The following SCFD1 variants were observed in gnomAD, a reference collection of about 807,000 sequenced individuals.
The protein encoded by SCFD1 is sec1 family domain containing 1.
Under a neutral mutation model 103.2 loss-of-function variants are expected in SCFD1, and 37 were observed. The observed-to-expected ratio is 0.36, with a 90% CI of 0.28 to 0.47. The LOEUF (loss-of-function observed/expected upper bound fraction) is 0.47. Among genes scored for constraint, SCFD1 ranks in the 20% least tolerant of loss-of-function variants. The pLI is 1.00. For synonymous variants in SCFD1, 264 were observed against 245.0 expected, an observed-to-expected ratio of 1.08 and a Z score of -0.73; for missense variants, 639 against 761.2, an observed-to-expected ratio of 0.84 and a Z score of 1.89.
intron 14 of SCFD1, among the ~76,000 whole-genome samples, chr14:30,690,878 GT>G (rs1356929761): frequency 1.3e-5 from 2 of 152,182 alleles, no homozygotes; most frequent in African/African-American, 4.8e-5. Flanking sequence ...AAGAATCTCA[GT>G]TTATTATCTT....
chr14:30,650,950 T>C (rs1217393227), intron 9 of SCFD1, among the ~76,000 whole-genome samples: 2 of 152,154 alleles, frequency 1.3e-5, no homozygotes, highest in Non-Finnish European at 2.9e-5. Flanking sequence ...TTGGTTATTT[T>C]TCACAGAGTG....
At chr14:30,636,266 G>T (rs1466446113) in intron 4 of SCFD1, among the ~76,000 whole-genome samples, 8 of 145,684 alleles carry the variant, frequency 5.5e-5, no homozygotes, top group African/African-American at 1.5e-4. Flanking sequence ...CAGTTTATCG[G>T]TTTTTTTTTT....
chr14:30,677,940 A>G (rs1889170517), intron 14 of SCFD1, among the ~76,000 whole-genome samples: 2 of 145,958 alleles, frequency 1.4e-5, no homozygotes, highest in South Asian at 4.3e-4. Context: ...CCTGGGTTCA[A>G]GCGATTCTTC....
At chr14:30,702,093 C>T (rs1245240569) in intron 16 of SCFD1, among the ~76,000 whole-genome samples, 1 of 152,166 alleles carries the variant, frequency 6.6e-6, no homozygotes, top group African/African-American at 2.4e-5. Flanking sequence ...TTGGGAGCCT[C>T]TTAAAGGTAA....
intron 18 of SCFD1, among the ~76,000 whole-genome samples, chr14:30,706,504 C>T (rs1349640474): frequency 6.6e-6 from 1 of 152,020 alleles, no homozygotes; most frequent in Non-Finnish European, 1.5e-5. Context: ...ACATAGTTTT[C>T]ATTTTCAGAA....
At position 30,683,020 on chromosome 14, in the gene SCFD1, A is replaced by C. The variant is rs557264806; in HGVS notation, c.1242+7955A>C. 1.3e-3 allele frequency: 1,646 copies of C among 1,275,510 alleles called. 2 individuals are homozygous for C. The highest frequency in any genetic ancestry group is 1.7e-3 in the Non-Finnish European group (1,527 of 896,842). 79.0% of individuals were successfully genotyped at this position (1,275,510 alleles called of 1,614,324 possible). ...TCTAAGGAAAAGTTAAAAAGACGAC[A>C]CAAGGACAGGCTGGGCAGCCTGGGT... On this transcript the variant is annotated intron_variant, in intron 14 of 24. Coordinates refer to ENST00000458591, the MANE Select transcript of SCFD1 (RefSeq NM_016106.4).
rs1890048830 is a variant in SCFD1 at position 30,688,917 on chromosome 14, T to G, written c.1243-5856T>G. 3.3e-5 allele frequency among the ~76,000 whole-genome samples: 3 copies of G among 90,528 alleles called. 1 individual carries two copies. The South Asian group carries it at 1.1e-3, about 33-fold the overall frequency. The allele number at this position is 90,528 out of a possible 152,430, so 59.4% of individuals were successfully genotyped here. On this transcript the variant is annotated intron_variant, in intron 14 of 24. Transcript: ENST00000458591. ...CAATTTCTTCCTAGTCTCGATGGTC[T>G]TTACATTTTGGCATGATTTTGCAGC...
chr14:30,735,539 A>G, intron 24 of SCFD1, 47 bp from the exon 25 acceptor site: 4 of 1,318,130 alleles, frequency 3.0e-6, no homozygotes, highest in Non-Finnish European at 4.3e-6. Context: ...TGTTTCTTTT[A>G]TGATCTTTTT....
intron 14 of SCFD1, among the ~76,000 whole-genome samples, chr14:30,692,623 A>T (rs1262970157): frequency 6.6e-6 from 1 of 152,242 alleles, no homozygotes; most frequent in Non-Finnish European, 1.5e-5. Flanking sequence ...GTATTTAATG[A>T]CAAGTTAAAG....
chr14:30,645,346 G>A (rs991015376), intron 7 of SCFD1, among the ~76,000 whole-genome samples: 2 of 152,060 alleles, frequency 1.3e-5, no homozygotes, highest in Non-Finnish European at 2.9e-5. Flanking sequence ...ATGACTTTTA[G>A]AAAAGTTTTT....
intron 5 of SCFD1, among the ~76,000 whole-genome samples, chr14:30,638,746 C>T (rs2139040270): frequency 6.6e-6 from 1 of 152,262 alleles, no homozygotes; most frequent in Non-Finnish European, 1.5e-5. Context: ...TGCAATTCTA[C>T]ATCATAGTGA....
In SCFD1 at chr14:30,674,011, A is replaced by G; in HGVS notation, c.1160+14A>G. On this transcript the variant is annotated intron_variant, in intron 13 of 24. Coordinates refer to ENST00000458591, the MANE Select transcript of SCFD1 (RefSeq NM_016106.4). ...ATCAGCTGTTAGGTAAGTGAGCAGTATATCCTCTTTGAAGTCTTTCTGTTG... is the reference window on the plus strand; with the variant it reads ...ATCAGCTGTTAGGTAAGTGAGCAGTGTATCCTCTTTGAAGTCTTTCTGTTG... The G allele has an allele frequency of 6.3e-7, 1 of 1,597,198 alleles. No homozygotes were observed. The highest frequency in any genetic ancestry group is 8.6e-7 in the Non-Finnish European group (1 of 1,167,382).
chr14:30,710,422 A>G (rs996921363), intron 19 of SCFD1, among the ~76,000 whole-genome samples: 1 of 151,664 alleles, frequency 6.6e-6, no homozygotes, highest in East Asian at 1.9e-4. Context: ...ATCATCAAGT[A>G]AAAGTAATAG....
In SCFD1 at chr14:30,703,943, AT is replaced by A. The variant is rs1566645886; in HGVS notation, c.1490+1569del. 2.4e-3 allele frequency among the ~76,000 whole-genome samples: 144 copies of A among 59,900 alleles called. 4 individuals carry two copies. The highest frequency in any genetic ancestry group is 3.8e-3 in the Admixed American group (23 of 6,080). The allele number at this position is 59,900 out of a possible 152,430, so 39.3% of individuals were successfully genotyped here. On this transcript the variant is annotated intron_variant, in intron 17 of 24. Coordinates refer to ENST00000458591, the MANE Select transcript of SCFD1 (RefSeq NM_016106.4). ...TATATATATATATATATATATATAT[AT>A]ATATATATATATATATATAAATAAT...
chr14:30,628,391 A>G lies in SCFD1; in HGVS notation c.132+112A>G, dbSNP rs188247824. 3.2e-3 allele frequency: 2,085 copies of G among 656,012 alleles called. 9 individuals are homozygous for G. Among genetic ancestry groups the G allele is most frequent in the Non-Finnish European group, 4.4e-3 (1,682 of 378,338 alleles). The allele number at this position is 656,012 out of a possible 1,614,324, so 40.6% of individuals were successfully genotyped here. ...GAAGTAACACATATTAGTTATCATG[A>G]ATGTTTTATCCTTATTTAACATGAT... On this transcript the variant is annotated intron_variant, in intron 2 of 24. Coordinates refer to ENST00000458591, the MANE Select transcript of SCFD1 (RefSeq NM_016106.4).
intron 4 of SCFD1, 86 bp from the exon 5 acceptor site, chr14:30,638,039 A>C (rs1375629600): frequency 1.5e-6 from 2 of 1,364,122 alleles, no homozygotes; most frequent in African/African-American, 3.0e-5. Context: ...TGTCTTTTAA[A>C]TATAACTTTG....
chr14:30,734,611 C>T, intron 23 of SCFD1, 179 bp from the exon 24 acceptor site: 2 of 565,750 alleles, frequency 3.5e-6, no homozygotes, highest in Non-Finnish European at 3.2e-6. Context: ...GCTCATTTCA[C>T]CACTTTATTC....
intron 21 of SCFD1, among the ~76,000 whole-genome samples, chr14:30,720,503 C>T (rs1203072611): frequency 6.6e-6 from 1 of 152,062 alleles, no homozygotes. Flanking sequence ...ACAGTTAGCC[C>T]TCAATATGCG....
intron 14 of SCFD1, among the ~76,000 whole-genome samples, chr14:30,684,836 T>A (rs1435665787): frequency 3.3e-5 from 4 of 120,332 alleles, no homozygotes; most frequent in Non-Finnish European, 6.6e-5. Flanking sequence ...ATACTCTAAG[T>A]TTTAGGGTAC....
Sources: allele counts gnomAD v4.1 joint callset (sites outside exome capture counted in the v4.1 genomes callset), GRCh38; gene constraint gnomAD v4.1.1; transcripts MANE v1.5; gene names NCBI Gene and HGNC (gene_info 2026-07-23, HGNC 2026-07-21).